Variants in GRB2 observed in about 807,000 individuals in gnomAD.
The protein encoded by GRB2 is growth factor receptor-bound protein 2.
A neutral mutation model predicts 27.4 loss-of-function variants in GRB2; 2 were observed. The ratio of observed to expected loss-of-function variants is 0.07; its 90% CI spans 0.03 to 0.23. The LOEUF is 0.23. Among genes scored for constraint, GRB2 ranks in the 10% least tolerant of loss-of-function variants. GRB2 has a pLI of 1.00. For synonymous variants in GRB2, 94 were observed against 99.6 expected (o/e 0.94, Z 0.33); for missense variants, 102 against 282.4 (o/e 0.36, Z 4.58).
chr17:75,374,988 T>C (rs2078882843), intron 2 of GRB2, among the ~76,000 whole-genome samples: 1 of 152,140 alleles, frequency 6.6e-6, no homozygotes, highest in Non-Finnish European at 1.5e-5. Context: ...CTCAAACTCC[T>C]GAACTCAAGT....
chr17:75,383,595 G>A (rs1357805726), intron 2 of GRB2, among the ~76,000 whole-genome samples: 3 of 152,182 alleles, frequency 2.0e-5, no homozygotes, highest in Non-Finnish European at 4.4e-5. Context: ...TGTAATCCCA[G>A]CATTTTGGGA....
chr17:75,405,348 G>A (rs1013469722), intron 1 of GRB2, 141 bp downstream of exon 1: 3 of 152,424 alleles, frequency 2.0e-5, no homozygotes, highest in African/African-American at 7.2e-5. Context: ...CGGAGCCCCG[G>A]GGATTGCGCT....
At chr17:75,392,408 T>C (rs930411336) in intron 2 of GRB2, among the ~76,000 whole-genome samples, 1 of 152,144 alleles carries the variant, frequency 6.6e-6, no homozygotes, top group Non-Finnish European at 1.5e-5. Context: ...CATTAAGAAA[T>C]TACTGGGCAG....
At chr17:75,375,688 C>T (rs1028767294) in intron 2 of GRB2, among the ~76,000 whole-genome samples, 1 of 151,794 alleles carries the variant, frequency 6.6e-6, no homozygotes, top group Non-Finnish European at 1.5e-5. Context: ...TTGAGACCAT[C>T]TTGGCAAATA....
At chr17:75,371,034 G>A (rs929229266) in intron 2 of GRB2, 1 of 152,314 alleles carries the variant, frequency 6.6e-6, no homozygotes, top group South Asian at 2.0e-4. Context: ...GTGAGGCCAA[G>A]TGTGGTGGCC....
chr17:75,331,960 G>T (rs1598220432), intron 3 of GRB2, among the ~76,000 whole-genome samples: 2 of 152,298 alleles, frequency 1.3e-5, no homozygotes, highest in Non-Finnish European at 2.9e-5. Flanking sequence ...TGCTGTGAAA[G>T]CAAGTGGACA....
At chr17:75,364,536 G>A (rs1429193602) in intron 2 of GRB2, among the ~76,000 whole-genome samples, 4 of 151,922 alleles carry the variant, frequency 2.6e-5, no homozygotes, top group Non-Finnish European at 1.5e-5. Flanking sequence ...CGGAACCCAG[G>A]TCTGACCAAT....
At chr17:75,393,240 A>C (rs991918951) in intron 2 of GRB2, among the ~76,000 whole-genome samples, 9 of 152,228 alleles carry the variant, frequency 5.9e-5, no homozygotes, top group Non-Finnish European at 8.8e-5. Context: ...AAAACTCTAC[A>C]GGGCAAATCA....
chr17:75,333,634 T>A (rs1598221386), intron 2 of GRB2, among the ~76,000 whole-genome samples: 1 of 152,090 alleles, frequency 6.6e-6, no homozygotes, highest in South Asian at 2.1e-4. Context: ...CAAGTACGGG[T>A]CACCCACCAA....
intron 2 of GRB2, among the ~76,000 whole-genome samples, chr17:75,368,698 C>T (rs1349876849): frequency 1.3e-5 from 2 of 151,934 alleles, no homozygotes; most frequent in African/African-American, 4.8e-5. Flanking sequence ...GCACATGCAA[C>T]CATGCCCGGC....
chr17:75,325,728 C>G (rs1381722163), intron 4 of GRB2, among the ~76,000 whole-genome samples, 170 bp downstream of exon 4: 3 of 152,190 alleles, frequency 2.0e-5, no homozygotes, highest in African/African-American at 4.8e-5. Context: ...TCCAGTGCTT[C>G]TAGAACTCAT....
At chr17:75,334,568 C>T (rs2078563722) in intron 2 of GRB2, among the ~76,000 whole-genome samples, 1 of 152,142 alleles carries the variant, frequency 6.6e-6, no homozygotes, top group Non-Finnish European at 1.5e-5. Context: ...GTGTGAGCCA[C>T]CATGCCAGTC....
At chr17:75,354,267 G>A (rs58225538) in intron 2 of GRB2, among the ~76,000 whole-genome samples, 1 of 102,128 alleles carries the variant, frequency 9.8e-6, no homozygotes, top group African/African-American at 3.1e-5. Context: ...TTTTTTTTGG[G>A]GGGGGGGGGG....
intron 2 of GRB2, among the ~76,000 whole-genome samples, chr17:75,348,416 T>C (rs2078668000): frequency 6.6e-6 from 1 of 152,190 alleles, no homozygotes; most frequent in Non-Finnish European, 1.5e-5. Context: ...AATCTGACCA[T>C]TACTAGACTG....
intron 1 of GRB2, among the ~76,000 whole-genome samples, chr17:75,400,709 T>C (rs1038464254): frequency 1.4e-4 from 22 of 152,140 alleles, no homozygotes; most frequent in African/African-American, 5.3e-4. Context: ...AGACGAGGTT[T>C]CACCATGTTG....
At chr17:75,343,156 G>A (rs2078632870) in intron 2 of GRB2, among the ~76,000 whole-genome samples, 1 of 151,890 alleles carries the variant, frequency 6.6e-6, no homozygotes, top group African/African-American at 2.4e-5. Flanking sequence ...GGAGAGAGGA[G>A]GTGTAAGTCT....
In GRB2 at chr17:75,389,915, C is replaced by A. The variant is rs1237630632; in HGVS notation, c.78+3636G>T. Among the ~76,000 whole-genome samples, 5 of 152,080 alleles carry A rather than the reference C, an allele frequency of 3.3e-5. No homozygotes were observed. The South Asian group carries it at 1.0e-3, about 32-fold the overall frequency. On this transcript the variant is annotated intron_variant, in intron 2 of 5. Coordinates refer to ENST00000316804, the MANE Select transcript of GRB2 (RefSeq NM_002086.5). ...CCTGTTCTAAAAAAATTTTTATATA[C>A]CATCTTGTACTGTTTCACATATTAA...
At chr17:75,323,121 T>TAA (rs55801107) in intron 4 of GRB2, among the ~76,000 whole-genome samples, 37 of 101,274 alleles carry the variant, frequency 3.7e-4, no homozygotes, top group Middle Eastern at 0.012. Flanking sequence ...TCCATCTCAT[T>TAA]AAAAAAAAAA....
At chr17:75,328,940 AAAATAAATAAAT>A (rs3047534) in intron 3 of GRB2, among the ~76,000 whole-genome samples, 45 of 147,020 alleles carry the variant, frequency 3.1e-4, no homozygotes, top group African/African-American at 4.7e-4. Flanking sequence ...TCGCTTTCAA[AAAATAAATAAAT>A]AAATAAATAA....
Sources: gnomAD v4.1 joint callset for allele counts (sites outside exome capture counted in the v4.1 genomes callset) on GRCh38, gnomAD v4.1.1 for gene constraint, MANE v1.5 for transcripts, NCBI Gene and HGNC (gene_info 2026-07-23, HGNC 2026-07-21) for gene names.